Variants in MED24 observed in about 807,000 individuals in gnomAD.
MED24 encodes mediator of RNA polymerase II transcription subunit 24.
Under a neutral mutation model 118.8 loss-of-function variants are expected in MED24, and 74 were observed. The ratio of observed to expected loss-of-function variants is 0.62; its 90% CI spans 0.52 to 0.76. The LOEUF (loss-of-function observed/expected upper bound fraction) is 0.76, where lower values mean the gene tolerates loss of function less well. Among genes scored for constraint, MED24 ranks in the 30% least tolerant of loss-of-function variants. The probability of loss-of-function intolerance (pLI) is 0.00; values close to 1 mark genes in which losing one functional copy is unlikely to be tolerated. For missense variants in MED24, 1,041 were observed against 1,278.9 expected (o/e 0.81, Z 2.84); for synonymous variants, 521 against 523.9 (o/e 0.99, Z 0.08).
chr17:40,053,711 A>G, intron 1 of MED24, 76 bp from the exon 2 acceptor site: 1 of 1,555,858 alleles, frequency 6.4e-7, no homozygotes, highest in East Asian at 2.2e-5. Flanking sequence ...AGAATTAAAT[A>G]GAAAGGAGAA....
Position 40,035,186 on chromosome 17 carries a change from G to A in MED24, c.490C>T (p.Arg164Cys), listed in dbSNP as rs1387585233. ...GEKQLAMCLQ[R>C]LEKTLSSTKN... ...GTGCTGCTGAGGGTTTTCTCCAGGCGCTGAAGGCACATGGCAAGCTGCTTC... is the reference window on the plus strand; with the variant it reads ...GTGCTGCTGAGGGTTTTCTCCAGGCACTGAAGGCACATGGCAAGCTGCTTC... Residue 164 changes from arginine to cysteine, a missense_variant, in exon 6 of 26, where the codon CGC becomes TGC. Arg to Cys is a radical substitution (Grantham distance 180). Transcript: ENST00000394128. 3 of 1,614,140 alleles carry A rather than the reference G, an allele frequency of 1.9e-6. No individual in the cohort carries two copies. The highest frequency in any genetic ancestry group is 2.2e-5 in the East Asian group (1 of 44,868).
chr17:40,024,752 T>A (rs533263095), intron 19 of MED24, among the ~76,000 whole-genome samples: 3 of 152,152 alleles, frequency 2.0e-5, no homozygotes, highest in Non-Finnish European at 4.4e-5. Flanking sequence ...GTTTTGTTTT[T>A]TGAGACAGAG....
rs145356663 is a variant in MED24, at chr17:40,019,355, C to G, written c.*174G>C. 1.1e-4 allele frequency: 70 copies of G among 617,508 alleles called. No homozygotes were observed. Among genetic ancestry groups the G allele is most frequent in the Non-Finnish European group, 2.0e-5 (7 of 353,678 alleles). The allele number at this position is 617,508 out of a possible 1,614,324, so 38.3% of individuals were successfully genotyped here. A position where few individuals can be genotyped will look rare whatever the true frequency, so the allele number is the denominator to read the frequency against. ...GAGAGGAAATTTTGAAAGAAGAAAC[C>G]GGGAGACATCCTGGAGGTCAGGAGT... is the stretch of plus-strand genomic sequence containing the variant. On this transcript the variant is annotated 3_prime_UTR_variant, in exon 26 of 26. Coordinates refer to ENST00000394128, the MANE Select transcript of MED24 (RefSeq NM_014815.4).
At chr17:40,022,929 G>C (rs899034064) in intron 20 of MED24, 103 bp from the exon 21 acceptor site, 10 of 1,433,250 alleles carry the variant, frequency 7.0e-6, no homozygotes, top group Admixed American at 2.1e-5. Context: ...CCCGCAGAGG[G>C]GGCCCCAGAT....
chr17:40,035,734 C>G lies in MED24; in HGVS notation c.314G>C (p.Cys105Ser). The G allele has an allele frequency of 6.2e-7, 1 of 1,614,040 alleles. No individual in the cohort carries two copies. The highest frequency in any genetic ancestry group is 1.1e-5 in the South Asian group (1 of 91,066). The change falls in exon 5 of 26, where the codon TGT becomes TCT. Residue 105 changes from cysteine to serine, a missense_variant. Cys to Ser is a moderately radical substitution (Grantham distance 112, BLOSUM62 -1). This residue lies in a region of MED24 where 434 missense variants were observed against 514.9 expected (regional missense o/e 0.84). Transcript: ENST00000394128. ...CCCCTGCCCTTACCTCAGACGGTCACAAAACATGTCCATGATGTCCAGCAA... is the reference window on the plus strand; with the variant it reads ...CCCCTGCCCTTACCTCAGACGGTCAGAAAACATGTCCATGATGTCCAGCAA... ...QALLDIMDMF[C>S]DRLSCHGKAE...
chr17:40,035,153 G>C lies in MED24; in HGVS notation c.523C>G (p.Arg175Gly), dbSNP rs763809355. 6.2e-7 allele frequency: 1 copy of C among 1,614,138 alleles called. No individual in the cohort carries two copies. The highest frequency in any genetic ancestry group is 1.7e-5 in the Admixed American group (1 of 60,014). ...LEKTLSSTKN[R>G]ALLHIAKLEE... ...AGTTTGGCGATGTGCAGCAGGGCCCGGTTCTTGGTGCTGCTGAGGGTTTTC... is the reference window on the plus strand; with the variant it reads ...AGTTTGGCGATGTGCAGCAGGGCCCCGTTCTTGGTGCTGCTGAGGGTTTTC... Residue 175 changes from arginine (R) to glycine (G), a missense_variant, in exon 6 of 26, where the codon CGG (arginine) becomes GGG (glycine). This residue lies in a region of MED24 where 434 missense variants were observed against 514.9 expected (regional missense o/e 0.84). Transcript: ENST00000394128.
In MED24 at chr17:40,034,985, A is replaced by G. The variant is rs766902684; in HGVS notation, c.559+132T>C. ...GATGTGTGCAATGCTTATGGGGAGAAAAAAAAGGAAGTGGGATGGTTTCAG... is the reference window on the plus strand; with the variant it reads ...GATGTGTGCAATGCTTATGGGGAGAGAAAAAAGGAAGTGGGATGGTTTCAG... On this transcript the variant is annotated intron_variant, in intron 6 of 25. Transcript: ENST00000394128. 1.9e-6 allele frequency: 3 copies of G among 1,610,188 alleles called. No homozygotes were observed. In the Admixed American group the frequency reaches 5.1e-5, roughly 27 times the overall value.
chr17:40,040,251 G>A (rs950490650), intron 3 of MED24, among the ~76,000 whole-genome samples: 3 of 151,804 alleles, frequency 2.0e-5, no homozygotes, highest in African/African-American at 7.3e-5. Context: ...GCTAATTTTG[G>A]TATTTTTAGT....
chr17:40,044,533 A>G (rs940623591), intron 3 of MED24, among the ~76,000 whole-genome samples: 1 of 151,142 alleles, frequency 6.6e-6, no homozygotes, highest in African/African-American at 2.4e-5. Flanking sequence ...AAAAAAAGAA[A>G]GAAAAGAAAA....
Position 40,023,290 on chromosome 17 carries a change from G to A in MED24, c.2091C>T (p.Tyr697=), listed in dbSNP as rs958375442. The A allele has an allele frequency of 5.6e-6, 9 of 1,614,140 alleles. No individual in the cohort carries two copies. Among genetic ancestry groups the A allele is most frequent in the Non-Finnish European group, 7.6e-6 (9 of 1,180,010 alleles). ...FPSTGVDTMP[Y]WNLLPPKRPI... is the part of the protein sequence containing the mutation. ...GCCGCTTGGGGGGCAGCAGGTTCCA[G>A]TAGGGCATTGTGTCCACCCCGGTGG... is the stretch of plus-strand genomic sequence containing the variant. Residue 697 remains tyrosine, a synonymous_variant, in exon 20 of 26, where the codon TAC becomes TAT. Coordinates refer to ENST00000394128, the MANE Select transcript of MED24 (RefSeq NM_014815.4).
chr17:40,042,034 T>G (rs971770703), intron 3 of MED24, among the ~76,000 whole-genome samples: 4 of 152,204 alleles, frequency 2.6e-5, no homozygotes, highest in African/African-American at 9.7e-5. Context: ...TCTGCAAAGC[T>G]GAAAATACTT....
chr17:40,035,312 G>A lies in MED24; in HGVS notation c.364C>T (p.Arg122Ter), dbSNP rs746188352. ...CAGTGGAGGGCGCTAAGAAGGGCTC[G>A]GCACAGTCCGATGCATTCCTCTGCT... ...GKAEECIGLC[R>*]ALLSALHWLL... is the part of the protein sequence containing the mutation. The change falls in exon 6 of 26, where the codon CGA becomes TGA. Residue 122 changes from arginine to a stop codon, truncating the protein, a stop_gained. Transcript: ENST00000394128. LOFTEE classifies it high-confidence loss of function. 12 of 1,608,058 alleles carry A rather than the reference G, an allele frequency of 7.5e-6. No homozygotes were observed. In the East Asian group the frequency reaches 2.5e-4, roughly 33 times the overall value.
Position 40,033,673 on chromosome 17 carries a change from A to G in MED24, c.560-217T>C. The G allele has an allele frequency of 1.5e-6, 1 of 676,586 alleles. No homozygotes were observed. Among genetic ancestry groups the G allele is most frequent in the East Asian group, 2.9e-5 (1 of 35,020 alleles). The allele number at this position is 676,586 out of a possible 1,614,324, so 41.9% of individuals were successfully genotyped here. On this transcript the variant is annotated intron_variant, in intron 6 of 25. Transcript: ENST00000394128. This position sits in a 1 kb window ranked among gnomAD's most constrained non-coding sequence, Gnocchi z 5.2. ...GCTGGAAACCCCAGAGACCATTCCC[A>G]AAAGCCTGATTTCCAGGGGACACAG... is the stretch of plus-strand genomic sequence containing the variant.
chr17:40,046,031 C>A (rs1481397487), intron 3 of MED24, among the ~76,000 whole-genome samples: 2 of 151,588 alleles, frequency 1.3e-5, no homozygotes, highest in Non-Finnish European at 2.9e-5. Context: ...CCCGCCTCGG[C>A]CTCCCAAAGT....
chr17:40,032,043 C>T lies in MED24; in HGVS notation c.984G>A (p.Lys328=), dbSNP rs957009696. The change falls in exon 10 of 26, where the codon AAG becomes AAA. Residue 328 remains lysine, a splice_region_variant and synonymous_variant. Coordinates refer to ENST00000394128, the MANE Select transcript of MED24 (RefSeq NM_014815.4). Reference sequence around the variant, plus strand: ...GCCTCCATCTCAATCCCCAACTCACCTTGTCTCCATGAGAGTACTTCTTCA... The same window carrying T: ...GCCTCCATCTCAATCCCCAACTCACTTTGTCTCCATGAGAGTACTTCTTCA... ...VKLKKYSHGD[K]DFTEDVNCAF... is the part of the protein sequence containing the mutation. The T allele has an allele frequency of 1.5e-5, 25 of 1,613,586 alleles. No individual in the cohort carries two copies. The highest frequency in any genetic ancestry group is 2.1e-5 in the Non-Finnish European group (25 of 1,179,820).
chr17:40,024,138 TGA>T (rs1432369282), intron 19 of MED24, among the ~76,000 whole-genome samples: 1 of 151,640 alleles, frequency 6.6e-6, no homozygotes, highest in Non-Finnish European at 1.5e-5. Context: ...GGTGGAGAAA[TGA>T]GAGAAGAAAG....
At chr17:40,031,507 G>T in intron 11 of MED24, 31 bp downstream of exon 11, 1 of 1,597,272 alleles carries the variant, frequency 6.3e-7, no homozygotes, top group Non-Finnish European at 8.6e-7. Flanking sequence ...ACGCCTTCCA[G>T]TAGGGCGGGG....
intron 3 of MED24, among the ~76,000 whole-genome samples, chr17:40,051,477 A>G (rs185298079): frequency 6.6e-6 from 1 of 150,428 alleles, no homozygotes; most frequent in African/African-American, 2.5e-5. Context: ...AGCTGGGCAT[A>G]GTGGCACACG....
At chr17:40,032,936 C>T in intron 8 of MED24, 120 bp downstream of exon 8, 2 of 1,455,926 alleles carry the variant, frequency 1.4e-6, no homozygotes, top group Non-Finnish European at 1.9e-6. Flanking sequence ...CTGGCACCCA[C>T]TTTCCATCAT....
Sources: allele counts gnomAD v4.1 joint callset (sites outside exome capture counted in the v4.1 genomes callset), GRCh38; gene constraint gnomAD v4.1.1; regional missense constraint gnomAD v4.1.1; non-coding constraint Gnocchi (gnomAD v3.1); transcripts MANE v1.5; gene names NCBI Gene and HGNC (gene_info 2026-07-23, HGNC 2026-07-21).